ABCC5: variants seen among roughly 807,000 people sequenced by gnomAD.
ABCC5 encodes ATP binding cassette subfamily C member 5, also known as ATP-binding cassette sub-family C member 5.
A neutral mutation model predicts 160.9 loss-of-function variants in ABCC5; 61 were observed. The observed-to-expected ratio is 0.38, with a 90% CI of 0.31 to 0.47. The LOEUF is 0.47. Ranked by LOEUF, ABCC5 falls within the 20% of genes least tolerant of loss-of-function variation. ABCC5 has a pLI of 0.99. For synonymous variants in ABCC5, 666 were observed against 700.6 expected (o/e 0.95, Z 0.78); for missense variants, 1,308 against 1,813.3 (o/e 0.72, Z 5.06).
At chr3:183,971,197 C>T (rs539686543) in intron 11 of ABCC5, among the ~76,000 whole-genome samples, 2 of 152,254 alleles carry the variant, frequency 1.3e-5, no homozygotes, top group South Asian at 4.1e-4. Flanking sequence ...TATCATGTGC[C>T]AGGTATGATG....
At chr3:184,005,524 A>G (rs1271400504) in intron 2 of ABCC5, among the ~76,000 whole-genome samples, 1 of 152,064 alleles carries the variant, frequency 6.6e-6, no homozygotes, top group East Asian at 1.9e-4. Flanking sequence ...TGAGTTTAAT[A>G]ATGACAGGTT....
intron 5 of ABCC5, chr3:183,983,638 G>T: frequency 1.6e-6 from 1 of 624,832 alleles, no homozygotes; most frequent in Non-Finnish European, 2.0e-6. Flanking sequence ...CACCTGCAGA[G>T]GGAAGGCGGC....
intron 9 of ABCC5, 119 bp downstream of exon 9, chr3:183,978,384 A>C: frequency 8.4e-7 from 1 of 1,194,584 alleles, no homozygotes; most frequent in Non-Finnish European, 1.2e-6. Flanking sequence ...GCTGGAGTGC[A>C]ATGGCATGAT....
chr3:183,962,078 G>A (rs1399512408), intron 15 of ABCC5, among the ~76,000 whole-genome samples: 3 of 152,036 alleles, frequency 2.0e-5, no homozygotes, highest in Admixed American at 6.5e-5. Context: ...GTCACAACTC[G>A]GGGGAGAGGT....
intron 17 of ABCC5, among the ~76,000 whole-genome samples, chr3:183,957,400 G>T (rs374623919): frequency 7.6e-6 from 1 of 132,258 alleles, no homozygotes; most frequent in Non-Finnish European, 1.6e-5. Flanking sequence ...ATGCTTATCC[G>T]TGTGTATATC....
chr3:183,991,386 T>G (rs373860485), intron 2 of ABCC5, among the ~76,000 whole-genome samples: 5 of 152,274 alleles, frequency 3.3e-5, no homozygotes, highest in Admixed American at 1.3e-4. Context: ...TTAAGTGGTT[T>G]AGCACCTAAC....
At chr3:183,995,179 T>C (rs376165536) in intron 2 of ABCC5, among the ~76,000 whole-genome samples, 1 of 152,136 alleles carries the variant, frequency 6.6e-6, no homozygotes, top group Non-Finnish European at 1.5e-5. Context: ...GTTCCTTATA[T>C]ATTCTGGATT....
intron 25 of ABCC5, among the ~76,000 whole-genome samples, chr3:183,940,375 G>A (rs1013338338): frequency 2.7e-5 from 4 of 146,668 alleles, no homozygotes; most frequent in Non-Finnish European, 6.0e-5. Context: ...TGGGCATGGT[G>A]GCATGTGCCT....
intron 11 of ABCC5, among the ~76,000 whole-genome samples, chr3:183,969,143 C>T (rs1000184347): frequency 6.6e-6 from 1 of 152,130 alleles, no homozygotes; most frequent in Non-Finnish European, 1.5e-5. Flanking sequence ...GCACAGAAGA[C>T]ACTTGGCAAA....
chr3:183,988,726 G>A lies in ABCC5; in HGVS notation c.289C>T (p.His97Tyr), dbSNP rs1719454817. 1 of 1,611,650 alleles carries A rather than the reference G, an allele frequency of 6.2e-7. No homozygotes were observed. The highest frequency in any genetic ancestry group is 1.3e-5 in the African/African-American group (1 of 74,672). The change falls in exon 4 of 30, where the codon CAC becomes TAC. Residue 97 changes from histidine (H) to tyrosine (Y), a missense_variant and splice_region_variant. Around this residue, in one of 3 missense-constraint regions of ABCC5, gnomAD observed 1,142 missense variants for 1,527.1 expected, o/e 0.75. Coordinates refer to ENST00000334444, the MANE Select transcript of ABCC5 (RefSeq NM_005688.4). This position sits in a 1 kb window ranked among gnomAD's most constrained non-coding sequence, Gnocchi z 4.4. ...ALKPIRTTSK[H>Y]QHPVDNAGLF... ...CCAGCATTGTCCACTGGGTGCTGGT[G>A]TCTAAGGAGAGAAAACCGAAATCAC...
intron 5 of ABCC5, chr3:183,985,979 T>C (rs922277402): frequency 1.2e-5 from 2 of 161,174 alleles, no homozygotes; most frequent in Non-Finnish European, 2.7e-5. Context: ...GGGGAGCCCG[T>C]ATGTGGGCAG....
chr3:183,924,113 G>T (rs1242795416), intron 29 of ABCC5, among the ~76,000 whole-genome samples: 2 of 148,220 alleles, frequency 1.3e-5, no homozygotes, highest in African/African-American at 2.5e-5. Flanking sequence ...CTGCCTCCCA[G>T]GGTTAAATGA....
rs1178702574 is a variant in ABCC5 at position 183,957,743 on chromosome 3, T to TCCGTGTGTATATCACATCGGTTACAC, written c.2482+1989_2482+1990insGTGTAACCGATGTGATATACACACGG. Among the ~76,000 whole-genome samples the TCCGTGTGTATATCACATCGGTTACAC allele has an allele frequency of 1.7e-3, 229 of 134,874 alleles. 3 individuals carry two copies. The highest frequency in any genetic ancestry group is 5.5e-3 in the African/African-American group (194 of 35,492). 88.5% of individuals were successfully genotyped at this position (134,874 alleles called of 152,430 possible). On this transcript the variant is annotated intron_variant, in intron 17 of 29. Transcript: ENST00000334444. ...CCGTGTGTACATCACATCGGTTACA[T>TCCGTGTGTATATCACATCGGTTACAC]GCGGATCCGTGTGTATATCACATCG...
rs777031386 is a variant in ABCC5 at position 183,953,269 on chromosome 3, C to A, written c.2484G>T (p.Gly828=). Residue 828 remains glycine, a splice_region_variant and synonymous_variant, in exon 18 of 30, where the codon GGG becomes GGT. Transcript: ENST00000334444. ...KKEKAVKPEE[G]QLVQLEEKGQ... is the part of the protein sequence containing the mutation. ...CTTTCTCTTCCAGCTGCACAAGCTG[C>A]CCTAGGTAAGAAAAAAAGAAACATG... 6.3e-7 allele frequency: 1 copy of A among 1,590,404 alleles called. No homozygotes were observed. Among genetic ancestry groups the A allele is most frequent in the African/African-American group, 1.4e-5 (1 of 73,470 alleles).
intron 8 of ABCC5, 119 bp from the exon 9 acceptor site, chr3:183,978,770 C>T: frequency 9.5e-7 from 1 of 1,055,460 alleles, no homozygotes; most frequent in South Asian, 1.7e-5. Context: ...CTATGACTAT[C>T]AACTCTACCA....
intron 26 of ABCC5, among the ~76,000 whole-genome samples, chr3:183,933,250 T>A (rs577552053): frequency 6.6e-6 from 1 of 151,760 alleles, no homozygotes; most frequent in Non-Finnish European, 1.5e-5. Context: ...CACTGTTTCT[T>A]GCTAATGAAT....
At chr3:184,012,152 A>T (rs1346918301) in intron 2 of ABCC5, among the ~76,000 whole-genome samples, 1 of 152,130 alleles carries the variant, frequency 6.6e-6, no homozygotes, top group African/African-American at 2.4e-5. Flanking sequence ...AGATGTTACC[A>T]CTGGGGGAAA....
At chr3:184,008,955 C>T (rs1160076682) in intron 2 of ABCC5, among the ~76,000 whole-genome samples, 2 of 152,228 alleles carry the variant, frequency 1.3e-5, no homozygotes, top group Non-Finnish European at 2.9e-5. Flanking sequence ...CTCCTGGGCT[C>T]AAGTGATCCT....
intron 25 of ABCC5, 196 bp downstream of exon 25, chr3:183,942,531 G>A: frequency 2.8e-6 from 2 of 726,052 alleles, no homozygotes; most frequent in Non-Finnish European, 4.9e-6. Flanking sequence ...TTGAGAATGT[G>A]CACATTTATG....
Sources: gnomAD v4.1 joint callset for allele counts (sites outside exome capture counted in the v4.1 genomes callset) on GRCh38, gnomAD v4.1.1 for gene constraint, gnomAD v4.1.1 regional missense constraint, Gnocchi (gnomAD v3.1) non-coding constraint, MANE v1.5 for transcripts, NCBI Gene and HGNC (gene_info 2026-07-23, HGNC 2026-07-21) for gene names.